Variants in CRISP1 observed in about 807,000 individuals in gnomAD.
The protein encoded by CRISP1 is cysteine rich secretory protein 1.
CRISP1 carries 44 observed loss-of-function variants against 33.1 expected under a neutral mutation model. That is an observed-to-expected ratio of 1.33 (90% CI 1.05 to 1.71). The LOEUF (loss-of-function observed/expected upper bound fraction) is 1.71, where lower values mean the gene tolerates loss of function less well. Ranked by LOEUF, CRISP1 falls within the 40% of genes most tolerant of loss-of-function variation. The pLI, the probability that CRISP1 is intolerant of heterozygous loss-of-function variation, is 0.00. For missense variants in CRISP1, 390 were observed against 301.2 expected (o/e 1.29, Z -2.18); for synonymous variants, 103 against 98.7 (o/e 1.04, Z -0.26).
At chr6:49,846,797 A>G in intron 4 of CRISP1, 129 bp from the exon 5 acceptor site, 1 of 866,456 alleles carries the variant, frequency 1.2e-6, no homozygotes, top group Non-Finnish European at 1.7e-6. Flanking sequence ...GAGGGAGTAA[A>G]ATAAGTTGTA....
At chr6:49,850,145 C>T (rs1285808420) in intron 3 of CRISP1, among the ~76,000 whole-genome samples, 1 of 150,954 alleles carries the variant, frequency 6.6e-6, no homozygotes, top group South Asian at 2.1e-4. Flanking sequence ...ATACCTAATG[C>T]TAAATGACGA....
chr6:49,842,860 T>G (rs1350641314), intron 5 of CRISP1, among the ~76,000 whole-genome samples: 2 of 152,308 alleles, frequency 1.3e-5, no homozygotes, highest in East Asian at 3.9e-4. Flanking sequence ...AATCCATAAC[T>G]GGTGGAATGT....
chr6:49,850,088 G>A (rs1437690167), intron 3 of CRISP1, among the ~76,000 whole-genome samples: 1 of 133,026 alleles, frequency 7.5e-6, no homozygotes, highest in Non-Finnish European at 1.6e-5. Context: ...TCACACTCTG[G>A]GGACAGTTGT....
chr6:49,837,900 T>G, intron 7 of CRISP1, among the ~76,000 whole-genome samples: 1 of 132,864 alleles, frequency 7.5e-6, no homozygotes. Flanking sequence ...ATTCAAGAAA[T>G]TAAAAAAAAA....
intron 1 of CRISP1, among the ~76,000 whole-genome samples, chr6:49,860,809 G>A (rs1043671261): frequency 1.3e-5 from 2 of 151,682 alleles, no homozygotes; most frequent in Admixed American, 1.3e-4. Flanking sequence ...AATATACAAA[G>A]GATAAAAAAA....
intron 7 of CRISP1, among the ~76,000 whole-genome samples, chr6:49,836,318 ATTTTAT>A (rs962543211): frequency 6.6e-6 from 1 of 151,210 alleles, no homozygotes; most frequent in Non-Finnish European, 1.5e-5. Context: ...AATCTTATAA[ATTTTAT>A]TTTTATTTTT....
intron 1 of CRISP1, among the ~76,000 whole-genome samples, chr6:49,864,282 T>C (rs1399784700): frequency 1.3e-5 from 2 of 152,140 alleles, no homozygotes; most frequent in African/African-American, 4.8e-5. Flanking sequence ...TTAATCATTC[T>C]ATTATTTATA....
At chr6:49,849,290 G>C (rs1313756469) in intron 3 of CRISP1, among the ~76,000 whole-genome samples, 1 of 152,106 alleles carries the variant, frequency 6.6e-6, no homozygotes, top group African/African-American at 2.4e-5. Flanking sequence ...CCCACCATCG[G>C]GCCCCGCAGG....
chr6:49,857,058 T>C (rs143467881), intron 2 of CRISP1, among the ~76,000 whole-genome samples: 1 of 152,306 alleles, frequency 6.6e-6, no homozygotes, highest in Non-Finnish European at 1.5e-5. Flanking sequence ...GAAATAGATA[T>C]GGACCCACAG....
chr6:49,853,116 TA>T (rs1400461151), intron 2 of CRISP1, among the ~76,000 whole-genome samples: 1 of 152,128 alleles, frequency 6.6e-6, no homozygotes, highest in Non-Finnish European at 1.5e-5. Flanking sequence ...AAGACTCCTC[TA>T]GAGACTGTCT....
At position 49,848,234 on chromosome 6, in the gene CRISP1, GCTCT is replaced by G. The variant is rs767290949; in HGVS notation, c.257_260del (p.Glu86AlafsTer19). ...TTGGAAGTCTCCTCTCAAGGGGGTT[GCTCT>G]CTGTCATATCACAATACTTTGAAAA... is the stretch of plus-strand genomic sequence containing the variant. On this transcript the variant is annotated frameshift_variant, in exon 4 of 8. Transcript: ENST00000335847. LOFTEE classifies it high-confidence loss of function. 5 of 1,600,522 alleles carry G rather than the reference GCTCT, an allele frequency of 3.1e-6. No homozygotes were observed. In the East Asian group the frequency reaches 1.1e-4, roughly 36 times the overall value.
At chr6:49,854,804 T>C (rs1341101080) in intron 2 of CRISP1, among the ~76,000 whole-genome samples, 1 of 152,128 alleles carries the variant, frequency 6.6e-6, no homozygotes, top group Non-Finnish European at 1.5e-5. Context: ...GAGGTTGTCG[T>C]GATGGGCATG....
In CRISP1 at chr6:49,858,947, C is replaced by G. The variant is rs74780555; in HGVS notation, c.-2-1545G>C. On this transcript the variant is annotated intron_variant, in intron 1 of 7. Coordinates refer to ENST00000335847, the MANE Select transcript of CRISP1 (RefSeq NM_001131.3). ...TCAACAGATAAGTGACATGAAACACCTAAAGCAAAAAAGGAGAGAAAAACA... is the reference window on the plus strand; with the variant it reads ...TCAACAGATAAGTGACATGAAACACGTAAAGCAAAAAAGGAGAGAAAAACA... Among the ~76,000 whole-genome samples, 1,165 of 151,918 alleles carry G rather than the reference C, an allele frequency of 7.7e-3. 14 individuals carry two copies. Among genetic ancestry groups the G allele is most frequent in the African/African-American group, 0.026 (1,078 of 41,466 alleles).
chr6:49,856,172 T>C (rs1277698675), intron 2 of CRISP1, among the ~76,000 whole-genome samples: 2 of 152,144 alleles, frequency 1.3e-5, no homozygotes, highest in Non-Finnish European at 2.9e-5. Context: ...TTTTAACTAG[T>C]GATACTAATT....
intron 7 of CRISP1, among the ~76,000 whole-genome samples, chr6:49,837,440 G>A (rs1246455132): frequency 1.4e-5 from 2 of 140,216 alleles, no homozygotes; most frequent in Admixed American, 7.1e-5. Flanking sequence ...GTAACTGGTT[G>A]ATTTTTTTTT....
intron 1 of CRISP1, among the ~76,000 whole-genome samples, chr6:49,873,319 G>A (rs1771968019): frequency 6.6e-6 from 1 of 152,040 alleles, no homozygotes; most frequent in Non-Finnish European, 1.5e-5. Flanking sequence ...AAACTCGTGA[G>A]TAAAATTGCA....
intron 2 of CRISP1, among the ~76,000 whole-genome samples, chr6:49,854,485 A>G (rs1370192930): frequency 1.3e-5 from 2 of 152,134 alleles, no homozygotes; most frequent in East Asian, 3.9e-4. Context: ...CTCCTGCCTC[A>G]GCCCCCCAGT....
intron 1 of CRISP1, 28 bp from the exon 2 acceptor site, chr6:49,857,430 T>G: frequency 6.3e-7 from 1 of 1,586,272 alleles, no homozygotes; most frequent in Non-Finnish European, 8.6e-7. Context: ...CAATTTTAGA[T>G]TATTCTCAAT....
chr6:49,874,699 T>A (rs1246547383), intron 1 of CRISP1, among the ~76,000 whole-genome samples: 1 of 152,094 alleles, frequency 6.6e-6, no homozygotes, highest in Non-Finnish European at 1.5e-5. Flanking sequence ...TCAAAAAACT[T>A]ATCCACCACG....
Sources: gnomAD v4.1 joint callset for allele counts (sites outside exome capture counted in the v4.1 genomes callset) on GRCh38, gnomAD v4.1.1 for gene constraint, MANE v1.5 for transcripts, NCBI Gene and HGNC (gene_info 2026-07-23, HGNC 2026-07-21) for gene names.